ZMAT4: variants seen among roughly 807,000 people sequenced by gnomAD.
ZMAT4 encodes the protein zinc finger matrin-type 4.
In ZMAT4, 17 loss-of-function variants were observed where a neutral mutation model predicts 28.7. The ratio of observed to expected loss-of-function variants is 0.59; its 90% confidence interval spans 0.41 to 0.89. The LOEUF (loss-of-function observed/expected upper bound fraction) is 0.89. Ranked by LOEUF, ZMAT4 falls within the 40% of genes least tolerant of loss-of-function variation. The pLI, the probability that ZMAT4 is intolerant of heterozygous loss-of-function variation, is 0.00. For synonymous variants in ZMAT4, 117 were observed against 109.2 expected (o/e 1.07, Z -0.44); for missense variants, 240 against 283.8 (o/e 0.85, Z 1.11).
At chr8:40,676,332 G>GA (rs1386011173) in intron 4 of ZMAT4, among the ~76,000 whole-genome samples, 1 of 151,854 alleles carries the variant, frequency 6.6e-6, no homozygotes, top group Non-Finnish European at 1.5e-5. Context: ...TTAAATTTTG[G>GA]AAAAAATATT....
intron 5 of ZMAT4, among the ~76,000 whole-genome samples, chr8:40,668,174 A>G (rs1808511320): frequency 6.6e-6 from 1 of 152,200 alleles, no homozygotes; most frequent in African/African-American, 2.4e-5. Context: ...CATCATTAAG[A>G]AAACTATTGA....
intron 2 of ZMAT4, among the ~76,000 whole-genome samples, chr8:40,788,545 A>G (rs1814184491): frequency 6.6e-6 from 1 of 152,168 alleles, no homozygotes. Context: ...AGATTGCACC[A>G]CTGCACAATC....
intron 2 of ZMAT4, among the ~76,000 whole-genome samples, chr8:40,823,200 A>G (rs77418098): frequency 6.9e-4 from 105 of 152,234 alleles, no homozygotes; most frequent in Non-Finnish European, 1.2e-3. Flanking sequence ...ATTACGAAAG[A>G]TCAAATGAAT....
intron 5 of ZMAT4, among the ~76,000 whole-genome samples, chr8:40,637,634 A>G (rs1208026242): frequency 6.6e-6 from 1 of 152,218 alleles, no homozygotes; most frequent in Admixed American, 6.5e-5. Flanking sequence ...AAGCTACAGA[A>G]TAGAAAGAGG....
intron 3 of ZMAT4, among the ~76,000 whole-genome samples, chr8:40,748,353 A>G (rs1240929686): frequency 3.9e-5 from 6 of 152,204 alleles, no homozygotes; most frequent in African/African-American, 4.8e-5. Flanking sequence ...GAGCATTTCA[A>G]TGGGGCTTTG....
intron 5 of ZMAT4, among the ~76,000 whole-genome samples, chr8:40,620,258 G>C (rs1159575085): frequency 6.6e-6 from 1 of 152,334 alleles, no homozygotes; most frequent in East Asian, 1.9e-4. Context: ...TAACTATAAT[G>C]TGAGAAATAA....
intron 5 of ZMAT4, among the ~76,000 whole-genome samples, chr8:40,669,823 A>G (rs1297234531): frequency 6.6e-6 from 1 of 152,164 alleles, no homozygotes; most frequent in Non-Finnish European, 1.5e-5. Context: ...TTCAAGAGTC[A>G]ATTGTACTTG....
intron 6 of ZMAT4, among the ~76,000 whole-genome samples, chr8:40,568,314 A>G (rs1326765110): frequency 6.6e-6 from 1 of 152,136 alleles, no homozygotes; most frequent in Non-Finnish European, 1.5e-5. Context: ...ACTGAATATC[A>G]AGCTTGAAAC....
intron 6 of ZMAT4, among the ~76,000 whole-genome samples, chr8:40,579,241 AT>A (rs1052545651): frequency 2.0e-5 from 3 of 152,172 alleles, no homozygotes; most frequent in African/African-American, 7.2e-5. Context: ...ATTTAAAGTC[AT>A]TGTTTATCTT....
chr8:40,724,487 G>A (rs1811239279), intron 3 of ZMAT4, among the ~76,000 whole-genome samples: 1 of 152,212 alleles, frequency 6.6e-6, no homozygotes, highest in Non-Finnish European at 1.5e-5. Flanking sequence ...ATGACATCTA[G>A]CTTTTCAGTG....
At chr8:40,712,312 A>G (rs1041374948) in intron 3 of ZMAT4, among the ~76,000 whole-genome samples, 1 of 152,196 alleles carries the variant, frequency 6.6e-6, no homozygotes, top group Middle Eastern at 3.2e-3. Context: ...TGTTTTTATT[A>G]AAAACCAACC....
chr8:40,602,615 G>C (rs1016556504), intron 5 of ZMAT4, among the ~76,000 whole-genome samples: 2 of 152,096 alleles, frequency 1.3e-5, no homozygotes. Context: ...GCATTTCCCT[G>C]ATAATTAGTG....
At chr8:40,762,663 A>T (rs1812988825) in intron 3 of ZMAT4, among the ~76,000 whole-genome samples, 1 of 151,826 alleles carries the variant, frequency 6.6e-6, no homozygotes, top group African/African-American at 2.4e-5. Flanking sequence ...CTCTAAAAAT[A>T]AAAAAAACAA....
intron 5 of ZMAT4, among the ~76,000 whole-genome samples, chr8:40,615,457 A>C (rs753064515): frequency 6.6e-6 from 1 of 152,082 alleles, no homozygotes; most frequent in African/African-American, 2.4e-5. Context: ...TATTTCCTGA[A>C]TTTGAATGTT....
intron 3 of ZMAT4, among the ~76,000 whole-genome samples, chr8:40,756,459 C>CAT (rs59936081): frequency 0.11 from 7,083 of 64,304 alleles, 512 homozygotes; most frequent in Middle Eastern, 0.21. Context: ...TATATATATA[C>CAT]ACACTTGTAT....
At chr8:40,621,008 T>C (rs1018221047) in intron 5 of ZMAT4, among the ~76,000 whole-genome samples, 2 of 152,268 alleles carry the variant, frequency 1.3e-5, no homozygotes, top group African/African-American at 4.8e-5. Context: ...GCAACATTTC[T>C]GTTCCACAAA....
chr8:40,579,485 A>C (rs1233684236), intron 6 of ZMAT4, among the ~76,000 whole-genome samples: 1 of 152,156 alleles, frequency 6.6e-6, no homozygotes, highest in Non-Finnish European at 1.5e-5. Flanking sequence ...CTTCTTTTTG[A>C]AGAATTATTC....
At chr8:40,534,765 C>T (rs1475942550) in intron 6 of ZMAT4, among the ~76,000 whole-genome samples, 1 of 148,908 alleles carries the variant, frequency 6.7e-6, no homozygotes, top group African/African-American at 2.5e-5. Flanking sequence ...TCACTGCAAC[C>T]TCTGCCTCCC....
At chr8:40,807,736 T>C (rs536204531) in intron 2 of ZMAT4, among the ~76,000 whole-genome samples, 1 of 152,362 alleles carries the variant, frequency 6.6e-6, no homozygotes, top group Non-Finnish European at 1.5e-5. Flanking sequence ...CTAAATGCCA[T>C]AGAGGCACAG....
Sources: gnomAD v4.1 joint callset for allele counts (sites outside exome capture counted in the v4.1 genomes callset) on GRCh38, gnomAD v4.1.1 for gene constraint, MANE v1.5 for transcripts, NCBI Gene and HGNC (gene_info 2026-07-23, HGNC 2026-07-21) for gene names.